Variants in KIF9 observed in about 807,000 individuals in gnomAD.
KIF9 encodes kinesin-like protein KIF9.
Under a neutral mutation model 94.8 loss-of-function variants are expected in KIF9, and 68 were observed. The ratio of observed to expected loss-of-function variants is 0.72; its 90% confidence interval spans 0.59 to 0.88. The LOEUF (loss-of-function observed/expected upper bound fraction) is 0.88. Among genes scored for constraint, KIF9 ranks in the 40% least tolerant of loss-of-function variants. KIF9 has a pLI of 0.00. For missense variants in KIF9, 882 were observed against 982.5 expected, an observed-to-expected ratio of 0.90 and a Z score of 1.37; for synonymous variants, 343 against 362.1, an observed-to-expected ratio of 0.95 and a Z score of 0.60.
Position 47,247,424 on chromosome 3 carries a change from C to T in KIF9, c.1182G>A (p.Glu394=). 1 of 1,613,960 alleles carries T rather than the reference C, an allele frequency of 6.2e-7. No individual in the cohort carries two copies. The highest frequency in any genetic ancestry group is 1.7e-5 in the Admixed American group (1 of 60,016). Residue 394 remains glutamate (E), a synonymous_variant, in exon 12 of 21, where the codon GAG becomes GAA. Coordinates refer to ENST00000684063, the MANE Select transcript of KIF9 (RefSeq NM_182902.4). ...YDPMDEIQIA[E]INSQVRRYLE... ...GGTACCTCCGCACCTGGGAGTTGAT[C>T]TCAGCAATCTGGATTTCATCCATGG...
At position 47,240,930 on chromosome 3, in the gene KIF9, T is replaced by C. The variant is rs1296810307; in HGVS notation, c.1795A>G (p.Asn599Asp). 6.2e-7 allele frequency: 1 copy of C among 1,614,222 alleles called. No individual in the cohort carries two copies. The highest frequency in any genetic ancestry group is 8.5e-7 in the Non-Finnish European group (1 of 1,180,046). ...GSEINRIFKENKSILNERRKR... is the reference protein window; with the variant it reads ...GSEINRIFKEDKSILNERRKR... ...CTCCGTTCATTCAAGATGGATTTGTTTTCTTTGAAAATTCGGTTGATCTCA... is the reference window on the plus strand; with the variant it reads ...CTCCGTTCATTCAAGATGGATTTGTCTTCTTTGAAAATTCGGTTGATCTCA... The change falls in exon 17 of 21, where the codon AAC (asparagine) becomes GAC (aspartate). Residue 599 changes from asparagine (N) to aspartate (D), a missense_variant. By Grantham distance (23) the Asn-to-Asp change is conservative (BLOSUM62 1). Transcript: ENST00000684063.
In KIF9 at chr3:47,271,353, C is replaced by A. The variant is rs376364191; in HGVS notation, c.475G>T (p.Val159Phe). The A allele has an allele frequency of 6.2e-7, 1 of 1,613,780 alleles. No individual in the cohort carries two copies. The highest frequency in any genetic ancestry group is 1.3e-5 in the African/African-American group (1 of 74,884). Reference protein sequence around the residue: ...LFDLLSTLPYVGPSVTPMTIV... With the variant: ...LFDLLSTLPYFGPSVTPMTIV... Reference sequence around the variant, plus strand: ...GTCATTGGTGTGACTGAGGGTCCAACATAGGGCAGAGTGGACAGGAGATCA... The same window carrying A: ...GTCATTGGTGTGACTGAGGGTCCAAAATAGGGCAGAGTGGACAGGAGATCA... Residue 159 changes from valine (V) to phenylalanine (F), a missense_variant, in exon 5 of 21, where the codon GTT (valine) becomes TTT (phenylalanine). Coordinates refer to ENST00000684063, the MANE Select transcript of KIF9 (RefSeq NM_182902.4).
At chr3:47,281,653 C>T (rs928629115) in intron 1 of KIF9, among the ~76,000 whole-genome samples, 3 of 152,190 alleles carry the variant, frequency 2.0e-5, no homozygotes, top group Non-Finnish European at 4.4e-5. Context: ...CGGCCCCCTC[C>T]CTTTCTCCCT....
intron 3 of KIF9, among the ~76,000 whole-genome samples, 184 bp from the exon 4 acceptor site, chr3:47,273,842 G>A (rs1479176148): frequency 1.3e-5 from 2 of 152,194 alleles, no homozygotes; most frequent in Non-Finnish European, 2.9e-5. Context: ...GGACAAAAGT[G>A]GTCAAAACAA....
intron 1 of KIF9, 194 bp downstream of exon 1, chr3:47,282,301 G>A (rs1160920494): frequency 2.0e-6 from 2 of 985,626 alleles, no homozygotes; most frequent in African/African-American, 1.7e-5. Flanking sequence ...CATTAGCTCC[G>A]AAGACCGTAA....
chr3:47,235,282 G>A (rs1020890325), intron 20 of KIF9, among the ~76,000 whole-genome samples: 3 of 152,182 alleles, frequency 2.0e-5, no homozygotes, highest in African/African-American at 7.2e-5. Flanking sequence ...ACCATACATA[G>A]GCTAGTCAGT....
At chr3:47,241,140 C>A in intron 16 of KIF9, 125 bp from the exon 17 acceptor site, 1 of 757,614 alleles carries the variant, frequency 1.3e-6, no homozygotes, top group East Asian at 2.5e-5. Context: ...CACCACCTAC[C>A]CAAGACAGGA....
At chr3:47,254,938 G>A (rs1188070014) in intron 10 of KIF9, among the ~76,000 whole-genome samples, 1 of 152,194 alleles carries the variant, frequency 6.6e-6, no homozygotes, top group African/African-American at 2.4e-5. Context: ...CATCAGTCAG[G>A]TGATTCTGAT....
At chr3:47,253,229 CA>C (rs1700378779) in intron 10 of KIF9, among the ~76,000 whole-genome samples, 1 of 152,122 alleles carries the variant, frequency 6.6e-6, no homozygotes, top group Non-Finnish European at 1.5e-5. Flanking sequence ...GATCTCCACT[CA>C]TTGCAACCAC....
intron 4 of KIF9, among the ~76,000 whole-genome samples, chr3:47,271,773 C>T (rs1166235672): frequency 6.6e-6 from 1 of 152,130 alleles, no homozygotes; most frequent in African/African-American, 2.4e-5. Flanking sequence ...ATATAAATCT[C>T]TGTGAATGAG....
intron 1 of KIF9, chr3:47,280,999 T>G (rs1236606386): frequency 1.4e-6 from 1 of 703,072 alleles, no homozygotes; most frequent in Non-Finnish European, 2.6e-6. Context: ...TTGAGTGGGT[T>G]TCAGTTCCCA....
At position 47,244,735 on chromosome 3, in the gene KIF9, A is replaced by G. The variant is rs918584842; in HGVS notation, c.1514+56T>C. ...AAGTGGGAACAGTGCACATCCTCCCATGCACCCACCGAGGAGGGCCAGCTG... is the reference window on the plus strand; with the variant it reads ...AAGTGGGAACAGTGCACATCCTCCCGTGCACCCACCGAGGAGGGCCAGCTG... On this transcript the variant is annotated intron_variant, in intron 15 of 20. Transcript: ENST00000684063. The G allele has an allele frequency of 6.2e-6, 10 of 1,602,520 alleles. No homozygotes were observed. The Admixed American group carries it at 1.7e-4, about 27-fold the overall frequency.
At chr3:47,266,652 C>T (rs1192949186) in intron 7 of KIF9, among the ~76,000 whole-genome samples, 1 of 152,106 alleles carries the variant, frequency 6.6e-6, no homozygotes, top group East Asian at 1.9e-4. Flanking sequence ...CTCAAAACAA[C>T]AACAACAAAA....
intron 3 of KIF9, among the ~76,000 whole-genome samples, chr3:47,274,881 T>C (rs1390930820): frequency 2.0e-5 from 3 of 152,250 alleles, no homozygotes; most frequent in Non-Finnish European, 4.4e-5. Context: ...AGCCACCAGA[T>C]GGCAAAGTCT....
chr3:47,247,351 T>A (rs762360506), intron 12 of KIF9, 22 bp downstream of exon 12: 4 of 1,542,980 alleles, frequency 2.6e-6, no homozygotes, highest in Non-Finnish European at 3.6e-6. Flanking sequence ...CTGAGCATAG[T>A]GGTCACAGAG....
chr3:47,252,709 A>C (rs1700349937), intron 10 of KIF9, among the ~76,000 whole-genome samples: 1 of 152,162 alleles, frequency 6.6e-6, no homozygotes, highest in African/African-American at 2.4e-5. Context: ...AGCTAAGGGA[A>C]CACCAAATAA....
chr3:47,246,339 C>T, intron 12 of KIF9, 87 bp from the exon 13 acceptor site: 1 of 1,034,850 alleles, frequency 9.7e-7, no homozygotes, highest in Non-Finnish European at 1.4e-6. Flanking sequence ...AATCAAGACC[C>T]CTTGGCTGAC....
intron 4 of KIF9, among the ~76,000 whole-genome samples, chr3:47,272,797 C>T (rs946182147): frequency 6.6e-6 from 1 of 152,166 alleles, no homozygotes; most frequent in African/African-American, 2.4e-5. Context: ...GTCTAAGATG[C>T]TGAGATACTG....
At chr3:47,241,861 T>TC (rs1699561507) in intron 16 of KIF9, among the ~76,000 whole-genome samples, 1 of 120,126 alleles carries the variant, frequency 8.3e-6, no homozygotes, top group Non-Finnish European at 1.6e-5. Context: ...TATATATATA[T>TC]ACACATATAT....
Sources: gnomAD v4.1 joint callset for allele counts (sites outside exome capture counted in the v4.1 genomes callset) on GRCh38, gnomAD v4.1.1 for gene constraint, MANE v1.5 for transcripts, NCBI Gene and HGNC (gene_info 2026-07-23, HGNC 2026-07-21) for gene names.